The following BDH1 variants were observed in gnomAD, a reference collection of about 807,000 sequenced individuals.
The protein encoded by BDH1 is 3-hydroxybutyrate dehydrogenase 1.
A neutral mutation model predicts 33.1 loss-of-function variants in BDH1; 30 were observed. The ratio of observed to expected loss-of-function variants is 0.91; its 90% CI spans 0.68 to 1.23. The LOEUF (loss-of-function observed/expected upper bound fraction) is 1.23. BDH1 is among the 50% of genes most tolerant of loss of function. The probability of loss-of-function intolerance (pLI) is 0.00; values close to 1 mark genes in which losing one functional copy is unlikely to be tolerated. For missense variants in BDH1, 443 were observed against 464.4 expected, an observed-to-expected ratio of 0.95 and a Z score of 0.42; for synonymous variants, 190 against 183.6, an observed-to-expected ratio of 1.03 and a Z score of -0.28.
At chr3:197,549,031 C>A (rs1716337669) in intron 2 of BDH1, among the ~76,000 whole-genome samples, 1 of 152,160 alleles carries the variant, frequency 6.6e-6, no homozygotes, top group East Asian at 1.9e-4. Context: ...TGTGCCAGGC[C>A]TTATTCTCTG....
chr3:197,522,521 C>G lies in BDH1; in HGVS notation c.409+119G>C, dbSNP rs1413237458. 2.3e-6 allele frequency: 3 copies of G among 1,327,770 alleles called. No individual in the cohort carries two copies. The highest frequency in any genetic ancestry group is 4.6e-5 in the East Asian group (2 of 43,064). The allele number at this position is 1,327,770 out of a possible 1,614,324, so 82.2% of individuals were successfully genotyped here. A position where few individuals can be genotyped will look rare whatever the true frequency, so the allele number is the denominator to read the frequency against. The stretch of plus-strand genomic sequence containing the variant: ...TCCTCCTACTGTGCAGGAGGAAGAG[C>G]CTAAACAATAAGGAAGGGAGTGTGG... On this transcript the variant is annotated intron_variant, in intron 6 of 7. Transcript: ENST00000392379. This position sits in a 1 kb window ranked among gnomAD's most constrained non-coding sequence, Gnocchi z 4.8.
At chr3:197,568,264 C>T (rs1056901231) in intron 1 of BDH1, among the ~76,000 whole-genome samples, 3 of 151,458 alleles carry the variant, frequency 2.0e-5, no homozygotes, top group African/African-American at 7.3e-5. Flanking sequence ...TGTTTTGATG[C>T]AATTGAATTT....
rs778493168 is a variant in BDH1 at position 197,522,654 on chromosome 3, T to C, written c.395A>G (p.Lys132Arg). 1.9e-6 allele frequency: 3 copies of C among 1,614,170 alleles called. No individual in the cohort carries two copies. In the Admixed American group the frequency reaches 5.0e-5, roughly 27 times the overall value. ...GGGCGCCCTACCTTTCTCAGGGTCCTTCAGGCTCGAGCGGACAATCTCCAC... is the reference window on the plus strand; with the variant it reads ...GGGCGCCCTACCTTTCTCAGGGTCCCTCAGGCTCGAGCGGACAATCTCCAC... Reference protein sequence around the residue: ...KVVEIVRSSLKDPEKGMWGLV... With the variant: ...KVVEIVRSSLRDPEKGMWGLV... The change falls in exon 6 of 8, where the codon AAG becomes AGG. Residue 132 changes from lysine to arginine, a missense_variant. Lys to Arg is a conservative substitution (Grantham distance 26). Transcript: ENST00000392379. This position sits in a 1 kb window ranked among gnomAD's most constrained non-coding sequence, Gnocchi z 4.8.
rs781650455 is a variant in BDH1 at position 197,522,662 on chromosome 3, C to T, written c.387G>A (p.Ser129=). Residue 129 remains serine (S), a synonymous_variant, in exon 6 of 8, where the codon TCG becomes TCA. Coordinates refer to ENST00000392379, the MANE Select transcript of BDH1 (RefSeq NM_203314.3). This position sits in a 1 kb window ranked among gnomAD's most constrained non-coding sequence, Gnocchi z 4.8. ...EVEKVVEIVR[S]SLKDPEKGMW... is the part of the protein sequence containing the mutation. ...TACCTTTCTCAGGGTCCTTCAGGCT[C>T]GAGCGGACAATCTCCACCACTTTCT... 6.2e-6 allele frequency: 10 copies of T among 1,614,060 alleles called. No homozygotes were observed. Among genetic ancestry groups the T allele is most frequent in the Middle Eastern group, 1.6e-4 (1 of 6,084 alleles).
At chr3:197,533,654 C>G in intron 3 of BDH1, 93 bp from the exon 4 acceptor site, 2 of 1,261,274 alleles carry the variant, frequency 1.6e-6, no homozygotes, top group Non-Finnish European at 2.3e-6. Flanking sequence ...CTCTCCAGCC[C>G]CGGCTCCTGG....
intron 3 of BDH1, among the ~76,000 whole-genome samples, chr3:197,542,401 C>A (rs1715709743): frequency 6.6e-6 from 1 of 152,140 alleles, no homozygotes. Flanking sequence ...CAGGAGGGTC[C>A]TGCAGTAACA....
chr3:197,560,284 C>T (rs191119984), upstream of BDH1, among the ~76,000 whole-genome samples: 111 of 152,382 alleles, frequency 7.3e-4, no homozygotes, highest in South Asian at 6.2e-3. Context: ...TTAGCTCCCA[C>T]AATTTAGCCT....
chr3:197,524,139 G>A (rs965001060), intron 5 of BDH1, among the ~76,000 whole-genome samples: 3 of 152,218 alleles, frequency 2.0e-5, no homozygotes, highest in South Asian at 2.1e-4. Flanking sequence ...AGCTACACTC[G>A]ATGTGAAAAT....
intron 1 of BDH1, among the ~76,000 whole-genome samples, chr3:197,561,256 G>T (rs1234796349): frequency 6.6e-6 from 1 of 152,142 alleles, no homozygotes; most frequent in Non-Finnish European, 1.5e-5. Flanking sequence ...ACAATTTGCT[G>T]AGGTCTGGGA....
Position 197,509,853 on chromosome 3 carries a change from A to T in BDH1, c.*2042T>A, listed in dbSNP as rs62282499. The T allele has an allele frequency of 1.3e-5, 2 of 152,260 alleles. No individual in the cohort carries two copies. Among genetic ancestry groups the T allele is most frequent in the South Asian group, 4.1e-4 (2 of 4,832 alleles). 9.4% of individuals were successfully genotyped at this position (152,260 alleles called of 1,614,324 possible). ...CCCAACATGTAAAAGTGCAATTCCGAAAGGATCCTGCTAGAACAAGGTCCA... is the reference window on the plus strand; with the variant it reads ...CCCAACATGTAAAAGTGCAATTCCGTAAGGATCCTGCTAGAACAAGGTCCA... On this transcript the variant is annotated 3_prime_UTR_variant, in exon 8 of 8. Transcript: ENST00000392379.
In BDH1 at chr3:197,512,224, C is replaced by G. The variant is rs757702931; in HGVS notation, c.703G>C (p.Val235Leu). The G allele has an allele frequency of 6.8e-6, 11 of 1,613,736 alleles. No individual in the cohort carries two copies. The Admixed American group carries it at 1.3e-4, about 20-fold the overall frequency. Residue 235 changes from valine (V) to leucine (L), a missense_variant, in exon 8 of 8, where the codon GTG becomes CTG. Physicochemically the swap from Val to Leu is conservative, Grantham distance 32. Transcript: ENST00000392379. ...GCGATGAAGTTGCCGGGCTCCACCACGCTGACCTTCACGCCCAGGGGGTAC... is the reference window on the plus strand; with the variant it reads ...GCGATGAAGTTGCCGGGCTCCACCAGGCTGACCTTCACGCCCAGGGGGTAC... ...EMYPLGVKVS[V>L]VEPGNFIAAT...
intron 3 of BDH1, among the ~76,000 whole-genome samples, chr3:197,537,847 G>A (rs143630683): frequency 2.4e-4 from 37 of 152,228 alleles, no homozygotes; most frequent in African/African-American, 8.9e-4. Context: ...TATATCCCTG[G>A]AACAAACCCA....
Position 197,521,880 on chromosome 3 carries a change from T to A in BDH1, c.409+760A>T, listed in dbSNP as rs1438166772. On this transcript the variant is annotated intron_variant, in intron 6 of 7. Coordinates refer to ENST00000392379, the MANE Select transcript of BDH1 (RefSeq NM_203314.3). This position sits in a 1 kb window ranked among gnomAD's most constrained non-coding sequence, Gnocchi z 4.9. Reference sequence around the variant, plus strand: ...GCCACTGCCATCCTCAGAGGGAGATTCACAAGTCTCACAATGACCAGGCCA... The same window carrying A: ...GCCACTGCCATCCTCAGAGGGAGATACACAAGTCTCACAATGACCAGGCCA... Among the ~76,000 whole-genome samples the A allele has an allele frequency of 6.6e-6, 1 of 152,136 alleles. No individual in the cohort carries two copies. Among genetic ancestry groups the A allele is most frequent in the East Asian group, 1.9e-4 (1 of 5,188 alleles).
upstream of BDH1, among the ~76,000 whole-genome samples, chr3:197,557,652 G>T (rs945540834): frequency 6.6e-6 from 1 of 152,238 alleles, no homozygotes; most frequent in South Asian, 2.1e-4. This position sits in a 1 kb window ranked among gnomAD's most constrained non-coding sequence, Gnocchi z 4.6. Flanking sequence ...GGGAGGCAGA[G>T]GTTGCAGTGA....
At position 197,516,636 on chromosome 3, in the gene BDH1, T is replaced by G. The variant is rs1270874729; in HGVS notation, c.410-2220A>C. Reference sequence around the variant, plus strand: ...TCCCATCTCCTGTCTCGCTTCCACCTGAATGTCCCACGGGTCCCTGACTCA... The same window carrying G: ...TCCCATCTCCTGTCTCGCTTCCACCGGAATGTCCCACGGGTCCCTGACTCA... On this transcript the variant is annotated intron_variant, in intron 6 of 7. Transcript: ENST00000392379. This position sits in a 1 kb window ranked among gnomAD's most constrained non-coding sequence, Gnocchi z 4.2. 2.0e-5 allele frequency among the ~76,000 whole-genome samples: 3 copies of G among 152,088 alleles called. No individual in the cohort carries two copies. In the East Asian group the frequency reaches 5.8e-4, roughly 29 times the overall value.
At chr3:197,512,876 G>A (rs1712224595) in intron 7 of BDH1, among the ~76,000 whole-genome samples, 1 of 152,202 alleles carries the variant, frequency 6.6e-6, no homozygotes, top group Non-Finnish European at 1.5e-5. Context: ...ACTGACAGCA[G>A]CCCTGGCGAT....
intron 3 of BDH1, among the ~76,000 whole-genome samples, chr3:197,539,706 C>T (rs947927101): frequency 2.0e-5 from 3 of 152,182 alleles, no homozygotes; most frequent in African/African-American, 4.8e-5. Context: ...CTCATCTGCT[C>T]TTGTGGCCCC....
rs1711886679 is a variant in BDH1, at chr3:197,510,672, ACATGTGTGTAAGG to A, written c.*1210_*1222del. 3 of 35,442 alleles carry A rather than the reference ACATGTGTGTAAGG, an allele frequency of 8.5e-5. No homozygotes were observed. Among genetic ancestry groups the A allele is most frequent in the Admixed American group, 3.1e-4 (1 of 3,238 alleles). 2.2% of individuals were successfully genotyped at this position (35,442 alleles called of 1,614,324 possible). ...TGTGTGTGTGTGTGTGTGTGTGTGTACATGTGTGTAAGGTGTGTGTGTGTGTGTGTGTGTGTGT... is the reference window on the plus strand; with the variant it reads ...TGTGTGTGTGTGTGTGTGTGTGTGTATGTGTGTGTGTGTGTGTGTGTGTGT... On this transcript the variant is annotated 3_prime_UTR_variant, in exon 8 of 8. Transcript: ENST00000392379.
intron 6 of BDH1, among the ~76,000 whole-genome samples, chr3:197,519,768 T>A (rs1186615286): frequency 6.6e-6 from 1 of 152,100 alleles, no homozygotes; most frequent in East Asian, 1.9e-4. Flanking sequence ...ACTGGCTCGG[T>A]GTCCCCTGGG....
Sources: gnomAD v4.1 joint callset for allele counts (sites outside exome capture counted in the v4.1 genomes callset) on GRCh38, gnomAD v4.1.1 for gene constraint, Gnocchi (gnomAD v3.1) non-coding constraint, MANE v1.5 for transcripts, NCBI Gene and HGNC (gene_info 2026-07-23, HGNC 2026-07-21) for gene names.